ADGRL2: variants seen among roughly 807,000 people sequenced by gnomAD.
ADGRL2 encodes the protein adhesion G protein-coupled receptor L2, also known as calcium-independent alpha-latrotoxin receptor 2.
Under a neutral mutation model 157.4 loss-of-function variants are expected in ADGRL2, and 44 were observed. The observed-to-expected ratio is 0.28, with a 90% confidence interval of 0.22 to 0.36. ADGRL2 has a LOEUF of 0.36. Among genes scored for constraint, ADGRL2 ranks in the 10% least tolerant of loss-of-function variants. ADGRL2 has a pLI of 1.00. For synonymous variants in ADGRL2, 585 were observed against 624.7 expected, an observed-to-expected ratio of 0.94 and a Z score of 0.95; for missense variants, 1,510 against 1,768.9, an observed-to-expected ratio of 0.85 and a Z score of 2.63.
At chr1:81,725,447 G>A (rs1252462839) in intron 1 of ADGRL2, among the ~76,000 whole-genome samples, 1 of 151,618 alleles carries the variant, frequency 6.6e-6, no homozygotes, top group Non-Finnish European at 1.5e-5. Context: ...GGTGAGGCAG[G>A]AGAGTTATTT....
At chr1:81,665,266 C>T (rs1037583595) in intron 3 of ADGRL2, among the ~76,000 whole-genome samples, 1 of 152,064 alleles carries the variant, frequency 6.6e-6, no homozygotes, top group African/African-American at 2.4e-5. Context: ...ATACAAACAG[C>T]GTAAGTACCT....
chr1:81,931,395 C>T (rs1183960782), intron 3 of ADGRL2, among the ~76,000 whole-genome samples: 1 of 152,002 alleles, frequency 6.6e-6, no homozygotes, highest in Non-Finnish European at 1.5e-5. Context: ...ACTCTATATA[C>T]TTTAGAATAG....
intron 1 of ADGRL2, among the ~76,000 whole-genome samples, chr1:81,324,775 G>A (rs1377790130): frequency 1.3e-5 from 2 of 152,112 alleles, no homozygotes; most frequent in Non-Finnish European, 1.5e-5. Flanking sequence ...AGAAAGCAGT[G>A]TCTCAATCTC....
intron 2 of ADGRL2, among the ~76,000 whole-genome samples, chr1:81,781,364 C>T (rs2086806023): frequency 6.6e-6 from 1 of 152,048 alleles, no homozygotes. Context: ...TGCCCCCTAT[C>T]TTGCTTTAAT....
At chr1:81,646,652 C>A (rs1353687913) in intron 3 of ADGRL2, among the ~76,000 whole-genome samples, 1 of 152,062 alleles carries the variant, frequency 6.6e-6, no homozygotes, top group African/African-American at 2.4e-5. Flanking sequence ...TATTTTCCTC[C>A]CAGTTTATGT....
chr1:81,669,107 T>A (rs1409727461), intron 3 of ADGRL2, among the ~76,000 whole-genome samples: 14 of 152,142 alleles, frequency 9.2e-5, no homozygotes, highest in Non-Finnish European at 1.9e-4. Context: ...TCAGGTGGAT[T>A]TGTTTATCTA....
At chr1:81,400,709 G>A (rs1001071939) in intron 1 of ADGRL2, among the ~76,000 whole-genome samples, 1 of 152,100 alleles carries the variant, frequency 6.6e-6, no homozygotes, top group African/African-American at 2.4e-5. Flanking sequence ...ACCCCAGAAT[G>A]GCTGGACACA....
At chr1:81,473,392 T>TAC (rs1196588841) in intron 2 of ADGRL2, among the ~76,000 whole-genome samples, 1 of 152,204 alleles carries the variant, frequency 6.6e-6, no homozygotes, top group African/African-American at 2.4e-5. Flanking sequence ...AGAACTTATA[T>TAC]ACACACTGGA....
chr1:81,378,566 TA>T (rs58850012), intron 1 of ADGRL2, among the ~76,000 whole-genome samples: 478 of 101,328 alleles, frequency 4.7e-3, no homozygotes, highest in African/African-American at 0.012. Context: ...CCTTGTATCT[TA>T]AAAAAAAAAA....
At chr1:81,875,987 G>C (rs1382363277) in intron 2 of ADGRL2, among the ~76,000 whole-genome samples, 1 of 152,096 alleles carries the variant, frequency 6.6e-6, no homozygotes. Flanking sequence ...AAAAGTGCTT[G>C]TAAAACAAGT....
chr1:81,940,585 C>T (rs577151791), intron 4 of ADGRL2, among the ~76,000 whole-genome samples: 4 of 151,498 alleles, frequency 2.6e-5, no homozygotes, highest in Non-Finnish European at 5.9e-5. Flanking sequence ...CAAAAATGTT[C>T]GTGTGATGTT....
chr1:81,499,077 T>C (rs1309857359), intron 2 of ADGRL2, among the ~76,000 whole-genome samples: 2 of 152,246 alleles, frequency 1.3e-5, no homozygotes, highest in Non-Finnish European at 2.9e-5. Flanking sequence ...ATAAAGACAG[T>C]TTGTTACCCT....
At chr1:81,422,164 A>G (rs2077136524) in intron 1 of ADGRL2, among the ~76,000 whole-genome samples, 1 of 144,916 alleles carries the variant, frequency 6.9e-6, no homozygotes, top group Non-Finnish European at 1.5e-5. Context: ...AAAAATATCC[A>G]CATATTTACA....
At chr1:81,967,963 AC>A in intron 13 of ADGRL2, 62 bp from the exon 14 acceptor site, 5 of 1,324,786 alleles carry the variant, frequency 3.8e-6, no homozygotes, top group Non-Finnish European at 5.4e-6. Context: ...TACATATTAA[AC>A]AATTGCTGTT....
At chr1:81,958,188 CA>C (rs1425499311) in intron 11 of ADGRL2, among the ~76,000 whole-genome samples, 1 of 151,628 alleles carries the variant, frequency 6.6e-6, no homozygotes, top group Non-Finnish European at 1.5e-5. Context: ...ACCTGGGAGG[CA>C]GAGCTTGCAG....
At chr1:81,639,064 C>A (rs1389226804) in intron 3 of ADGRL2, among the ~76,000 whole-genome samples, 1 of 152,106 alleles carries the variant, frequency 6.6e-6, no homozygotes, top group African/African-American at 2.4e-5. Flanking sequence ...AAAGTTACTT[C>A]TTTTATTGTT....
At chr1:81,746,935 CGTATACACAT>C (rs1213491996) in intron 1 of ADGRL2, among the ~76,000 whole-genome samples, 1 of 147,378 alleles carries the variant, frequency 6.8e-6, no homozygotes, top group Non-Finnish European at 1.5e-5. Flanking sequence ...TATATACACA[CGTATACACAT>C]GTATGTATAT....
At chr1:81,738,110 C>CA (rs940115011) in intron 1 of ADGRL2, among the ~76,000 whole-genome samples, 27 of 152,242 alleles carry the variant, frequency 1.8e-4, no homozygotes, top group African/African-American at 6.5e-4. Context: ...TCCTGCATTA[C>CA]AAAAAATGTA....
At chr1:81,956,808 G>A (rs1211184071) in intron 11 of ADGRL2, among the ~76,000 whole-genome samples, 2 of 152,108 alleles carry the variant, frequency 1.3e-5, no homozygotes, top group African/African-American at 2.4e-5. Context: ...GAACTCAAAA[G>A]GGACACAGAC....
Sources: gnomAD v4.1 joint callset for allele counts (sites outside exome capture counted in the v4.1 genomes callset) on GRCh38, gnomAD v4.1.1 for gene constraint, MANE v1.5 for transcripts, NCBI Gene and HGNC (gene_info 2026-07-23, HGNC 2026-07-21) for gene names.